The following SYT7 variants were observed in gnomAD, a reference collection of about 807,000 sequenced individuals.
The protein encoded by SYT7 is synaptotagmin 7.
Under a neutral mutation model 75.1 loss-of-function variants are expected in SYT7, and 29 were observed. The ratio of observed to expected loss-of-function variants is 0.39; its 90% CI spans 0.29 to 0.53. The LOEUF is 0.53. Among genes scored for constraint, SYT7 ranks in the 20% least tolerant of loss-of-function variants. SYT7 has a pLI of 0.77. For synonymous variants in SYT7, 376 were observed against 401.7 expected (o/e 0.94, Z 0.76); for missense variants, 693 against 953.2 (o/e 0.73, Z 3.59).
In SYT7 at chr11:61,576,402, T is replaced by C. The variant is rs1233242343; in HGVS notation, c.31+4388A>G. On this transcript the variant is annotated intron_variant, in intron 1 of 12. Transcript: ENST00000539008. This position sits in a 1 kb window ranked among gnomAD's most constrained non-coding sequence, Gnocchi z 4.1. Reference sequence around the variant, plus strand: ...CAGTGACTGCCCCGACGAGAGAAAGTTGACCTCTCGGCCACATATGCCACC... The same window carrying C: ...CAGTGACTGCCCCGACGAGAGAAAGCTGACCTCTCGGCCACATATGCCACC... Among the ~76,000 whole-genome samples, 1 of 152,186 alleles carries C rather than the reference T, an allele frequency of 6.6e-6. No individual in the cohort carries two copies. Among genetic ancestry groups the C allele is most frequent in the Non-Finnish European group, 1.5e-5 (1 of 68,008 alleles).
rs192097984 is a variant in SYT7 at position 61,578,042 on chromosome 11, G to A, written c.31+2748C>T. ...AGGAAGAGGCCGTGAAGTCTGGGAG[G>A]GGGCAGAAGGGAGGCTGCAGGTCTG... is the stretch of plus-strand genomic sequence containing the variant. On this transcript the variant is annotated intron_variant, in intron 1 of 12. Coordinates refer to ENST00000539008, the MANE Select transcript of SYT7 (RefSeq NM_001365809.2). 3.1e-3 allele frequency among the ~76,000 whole-genome samples: 466 copies of A among 152,346 alleles called. 6 individuals carry two copies. The South Asian group carries it at 0.038, about 12-fold the overall frequency.
chr11:61,554,109 A>T (rs2063425775), intron 2 of SYT7, among the ~76,000 whole-genome samples: 1 of 152,104 alleles, frequency 6.6e-6, no homozygotes, highest in Admixed American at 6.5e-5. Flanking sequence ...ACCAGGGAAG[A>T]GGCTGCTTCT....
Position 61,547,209 on chromosome 11 carries a change from G to A in SYT7, c.315C>T (p.Tyr105=), listed in dbSNP as rs1227334804. The A allele has an allele frequency of 3.3e-6, 5 of 1,535,750 alleles. No individual in the cohort carries two copies. Among genetic ancestry groups the A allele is most frequent in the Non-Finnish European group, 4.4e-6 (5 of 1,146,698 alleles). ...ACAGTCGTGGGTCGCCATAAGGGGC[G>A]TAGGGTGAAATGTTTAGAATAAACT... is the stretch of plus-strand genomic sequence containing the variant. The part of the protein sequence containing the change: ...PKEFILNISP[Y]APYGDPRLSL... The change falls in exon 4 of 13, where the codon TAC becomes TAT. Residue 105 remains tyrosine, a synonymous_variant. Coordinates refer to ENST00000539008, the MANE Select transcript of SYT7 (RefSeq NM_001365809.2).
chr11:61,538,985 G>A (rs1467480764), intron 6 of SYT7, among the ~76,000 whole-genome samples: 1 of 152,204 alleles, frequency 6.6e-6, no homozygotes, highest in African/African-American at 2.4e-5. Context: ...TGTGGTATAT[G>A]GCAACTCGGC....
At chr11:61,570,144 A>G (rs904332870) in intron 1 of SYT7, among the ~76,000 whole-genome samples, 1 of 152,244 alleles carries the variant, frequency 6.6e-6, no homozygotes, top group Admixed American at 6.5e-5. Flanking sequence ...TGCCTGTCCA[A>G]GGTCAAGTGA....
In SYT7 at chr11:61,517,939, C is replaced by G. The variant is rs1444895867; in HGVS notation, c.*688G>C. On this transcript the variant is annotated 3_prime_UTR_variant, in exon 13 of 13. Transcript: ENST00000539008. The stretch of plus-strand genomic sequence containing the variant: ...TTTCTGACCTCTGCCTCACCCGACC[C>G]CACTCAGCCCTATGGGCCTCTCCTC... The G allele has an allele frequency of 4.9e-6, 1 of 204,594 alleles. No individual in the cohort carries two copies. The highest frequency in any genetic ancestry group is 6.0e-5 in the Admixed American group (1 of 16,734). 12.7% of individuals were successfully genotyped at this position (204,594 alleles called of 1,614,324 possible).
chr11:61,522,187 C>CTTT (rs60616538), intron 12 of SYT7, among the ~76,000 whole-genome samples: 9 of 114,262 alleles, frequency 7.9e-5, no homozygotes, highest in African/African-American at 1.7e-4. Context: ...GAAGAGATCA[C>CTTT]TTTTTTTTTT....
chr11:61,531,596 A>G (rs867604590), intron 8 of SYT7, among the ~76,000 whole-genome samples: 5 of 152,128 alleles, frequency 3.3e-5, no homozygotes, highest in East Asian at 3.8e-4. Flanking sequence ...TGTGGATTCA[A>G]GAAAACCACA....
rs1348140071 is a variant in SYT7, at chr11:61,546,419, G to A, written c.348-164C>T. The A allele has an allele frequency of 2.4e-5, 14 of 575,248 alleles. No homozygotes were observed. Among genetic ancestry groups the A allele is most frequent in the Middle Eastern group, 4.5e-4 (1 of 2,204 alleles). The allele number at this position is 575,248 out of a possible 1,614,324, so 35.6% of individuals were successfully genotyped here. On this transcript the variant is annotated intron_variant, in intron 4 of 12. Transcript: ENST00000539008. This position sits in a 1 kb window ranked among gnomAD's most constrained non-coding sequence, Gnocchi z 7.6. ...AGAGAGGAGGAGGAGAGAGACAGAC[G>A]GACATGAGACAGACAGAGAGAGAGA...
At position 61,523,336 on chromosome 11, in the gene SYT7, T is replaced by G; in HGVS notation, c.1757-62A>C. ...GGGGGAGGGACTTCCTAGGATCCTT[T>G]TCCCCTTCCAGGAATGGAAGCTGAG... On this transcript the variant is annotated intron_variant, in intron 11 of 12. Transcript: ENST00000539008. This position sits in a 1 kb window ranked among gnomAD's most constrained non-coding sequence, Gnocchi z 5.0. 1 of 1,516,120 alleles carries G rather than the reference T, an allele frequency of 6.6e-7. No homozygotes were observed. Among genetic ancestry groups the G allele is most frequent in the East Asian group, 2.3e-5 (1 of 44,230 alleles). 93.9% of individuals were successfully genotyped at this position (1,516,120 alleles called of 1,614,324 possible). A position where few individuals can be genotyped will look rare whatever the true frequency, so the allele number is the denominator to read the frequency against.
Position 61,580,831 on chromosome 11 carries a change from T to A in SYT7, c.-11A>T. 1 of 1,261,790 alleles carries A rather than the reference T, an allele frequency of 7.9e-7. No homozygotes were observed. The highest frequency in any genetic ancestry group is 1.0e-6 in the Non-Finnish European group (1 of 1,001,230). 78.2% of individuals were successfully genotyped at this position (1,261,790 alleles called of 1,614,324 possible). On this transcript the variant is annotated 5_prime_UTR_variant, in exon 1 of 13. Transcript: ENST00000539008. The surrounding 1 kb of genome is among the most constrained non-coding windows in gnomAD (Gnocchi z 6.1). ...CGGGTCCCGGTACATGGTCCCCTCG[T>A]CGCCGGTTCCCTCCGGGCTCCTCAG...
rs1016726975 is a variant in SYT7 at position 61,517,755 on chromosome 11, A to G, written c.*872T>C. 5.8e-5 allele frequency: 23 copies of G among 395,366 alleles called. No individual in the cohort carries two copies. Among genetic ancestry groups the G allele is most frequent in the Non-Finnish European group, 9.3e-5 (21 of 224,736 alleles). 24.5% of individuals were successfully genotyped at this position (395,366 alleles called of 1,614,324 possible). A position where few individuals can be genotyped will look rare whatever the true frequency, so the allele number is the denominator to read the frequency against. ...AATGCTATGCACACAGTAGGTGCCT[A>G]AAAGGTGTGAGTCAGTGTTCAAGAG... On this transcript the variant is annotated 3_prime_UTR_variant, in exon 13 of 13. Transcript: ENST00000539008.
chr11:61,542,858 C>T lies in SYT7; in HGVS notation c.573-279G>A, dbSNP rs367572760. On this transcript the variant is annotated intron_variant, in intron 5 of 12. Coordinates refer to ENST00000539008, the MANE Select transcript of SYT7 (RefSeq NM_001365809.2). The surrounding 1 kb of genome is among the most constrained non-coding windows in gnomAD (Gnocchi z 7.8). ...AGTGCCAGAATACCTCCTGGCTAGG[C>T]CGACCTCCCTGCCGGTCTGAGTGGG... Among the ~76,000 whole-genome samples the T allele has an allele frequency of 1.3e-5, 2 of 152,200 alleles. No individual in the cohort carries two copies. Among genetic ancestry groups the T allele is most frequent in the Non-Finnish European group, 2.9e-5 (2 of 68,026 alleles).
upstream of SYT7, among the ~76,000 whole-genome samples, chr11:61,585,570 T>TA (rs1336296688): frequency 1.1e-4 from 16 of 152,096 alleles, no homozygotes; most frequent in African/African-American, 3.9e-4. Context: ...AAGATAAAAG[T>TA]ATAAAGTTAA....
In SYT7 at chr11:61,580,608, G is replaced by A. The variant is rs1261612742; in HGVS notation, c.31+182C>T. The stretch of plus-strand genomic sequence containing the variant: ...AGCCTGGCAGTGTCCAGACTGCGGG[G>A]GACCGGGGTCCGAGCCGCTGCCGCT... On this transcript the variant is annotated intron_variant, in intron 1 of 12. Transcript: ENST00000539008. The surrounding 1 kb of genome is among the most constrained non-coding windows in gnomAD (Gnocchi z 6.1). Among the ~76,000 whole-genome samples, 1 of 152,104 alleles carries A rather than the reference G, an allele frequency of 6.6e-6. No homozygotes were observed. Among genetic ancestry groups the A allele is most frequent in the Non-Finnish European group, 1.5e-5 (1 of 67,948 alleles).
At chr11:61,534,671 C>A (rs906622327) in intron 7 of SYT7, among the ~76,000 whole-genome samples, 4 of 152,242 alleles carry the variant, frequency 2.6e-5, no homozygotes, top group East Asian at 3.9e-4. Flanking sequence ...ACGGAAAGGG[C>A]AGGGAGTGGT....
intron 1 of SYT7, among the ~76,000 whole-genome samples, chr11:61,578,607 TG>T (rs2064150350): frequency 6.6e-6 from 1 of 151,102 alleles, no homozygotes; most frequent in Non-Finnish European, 1.5e-5. Flanking sequence ...TTGGGGGAGC[TG>T]GGGGGAAGGG....
intron 1 of SYT7, among the ~76,000 whole-genome samples, chr11:61,562,067 C>T (rs899869541): frequency 1.3e-5 from 2 of 151,860 alleles, no homozygotes; most frequent in Non-Finnish European, 2.9e-5. Flanking sequence ...CACACACACA[C>T]GCACGCACGT....
At chr11:61,535,542 T>G (rs2062844770) in intron 7 of SYT7, among the ~76,000 whole-genome samples, 1 of 152,136 alleles carries the variant, frequency 6.6e-6, no homozygotes, top group Non-Finnish European at 1.5e-5. Flanking sequence ...CCTCCCTCCC[T>G]CCCGGGAGCG....
Sources: allele counts gnomAD v4.1 joint callset (sites outside exome capture counted in the v4.1 genomes callset), GRCh38; gene constraint gnomAD v4.1.1; non-coding constraint Gnocchi (gnomAD v3.1); transcripts MANE v1.5; gene names NCBI Gene and HGNC (gene_info 2026-07-23, HGNC 2026-07-21).